Variants in ANKRD36 observed in about 807,000 individuals in gnomAD.
ANKRD36 encodes the protein ankyrin repeat domain 36, also known as ankyrin repeat domain-containing protein 36A.
ANKRD36 carries 179 observed loss-of-function variants against 278.1 expected under a neutral mutation model. The ratio of observed to expected loss-of-function variants is 0.64; its 90% CI spans 0.57 to 0.73. The LOEUF is 0.73. Among genes scored for constraint, ANKRD36 ranks in the 30% least tolerant of loss-of-function variants. ANKRD36 has a pLI of 0.00. For missense variants in ANKRD36, 1,159 were observed against 1,956.7 expected (o/e 0.59, Z 7.69); for synonymous variants, 320 against 641.1 (o/e 0.50, Z 7.57).
At chr2:97,154,203 T>A (rs1284662051) in intron 14 of ANKRD36, among the ~76,000 whole-genome samples, 1 of 147,094 alleles carries the variant, frequency 6.8e-6, no homozygotes, top group Non-Finnish European at 1.5e-5. Flanking sequence ...CATTTTCCAG[T>A]GACACAGATT....
intron 30 of ANKRD36, among the ~76,000 whole-genome samples, chr2:97,186,192 C>CAT (rs79758632): frequency 6.6e-6 from 1 of 151,688 alleles, no homozygotes; most frequent in African/African-American, 2.4e-5. Context: ...AGGCATAAGA[C>CAT]ATATATCTTT....
At chr2:97,140,194 C>A (rs1035979169) in intron 6 of ANKRD36, among the ~76,000 whole-genome samples, 2 of 151,658 alleles carry the variant, frequency 1.3e-5, no homozygotes, top group Non-Finnish European at 2.9e-5. Flanking sequence ...CAAAAAATTA[C>A]ACCATTCTTC....
At position 97,121,797 on chromosome 2, in the gene ANKRD36, T is replaced by G. The variant is rs554659768; in HGVS notation, c.487-1090T>G. 6.1e-4 allele frequency among the ~76,000 whole-genome samples: 93 copies of G among 152,104 alleles called. 1 individual carries two copies. The highest frequency in any genetic ancestry group is 1.9e-3 in the East Asian group (10 of 5,186). Reference sequence around the variant, plus strand: ...TACCTAAAATAAAAAAAGTAAGAATTAATTGGAAACTAGAATACAAATAGA... The same window carrying G: ...TACCTAAAATAAAAAAAGTAAGAATGAATTGGAAACTAGAATACAAATAGA... On this transcript the variant is annotated intron_variant, in intron 3 of 75. Coordinates refer to ENST00000420699, the MANE Select transcript of ANKRD36 (RefSeq NM_001354587.1).
At chr2:97,128,690 G>T (rs1368269601) in intron 6 of ANKRD36, among the ~76,000 whole-genome samples, 1 of 151,974 alleles carries the variant, frequency 6.6e-6, no homozygotes, top group East Asian at 1.9e-4. Flanking sequence ...TTACAGAATT[G>T]TCAAAACCTA....
At chr2:97,133,064 A>G (rs1420805930) in intron 6 of ANKRD36, among the ~76,000 whole-genome samples, 4 of 152,094 alleles carry the variant, frequency 2.6e-5, no homozygotes, top group Admixed American at 6.6e-5. Flanking sequence ...TACTTTTCTC[A>G]GGAAATGGTG....
At chr2:97,207,184 A>G (rs2063099402) in intron 52 of ANKRD36, among the ~76,000 whole-genome samples, 1 of 151,468 alleles carries the variant, frequency 6.6e-6, no homozygotes, top group African/African-American at 2.4e-5. Flanking sequence ...TCGGAAGGCT[A>G]AACTAGTGGA....
At chr2:97,132,015 G>A (rs914767748) in intron 6 of ANKRD36, among the ~76,000 whole-genome samples, 5 of 151,930 alleles carry the variant, frequency 3.3e-5, no homozygotes, top group Non-Finnish European at 7.4e-5. Flanking sequence ...TTTTAGTAGA[G>A]TCGGGGTTTC....
At position 97,211,678 on chromosome 2, in the gene ANKRD36, G is replaced by A. The variant is rs768640593; in HGVS notation, c.3406G>A (p.Asp1136Asn). The A allele has an allele frequency of 9.4e-6, 15 of 1,594,018 alleles. No homozygotes were observed. In the East Asian group the frequency reaches 1.2e-4, roughly 12 times the overall value. Reference sequence around the variant, plus strand: ...TTCAAATTCTATTCAGGCTATCTGTGACAAGGAAGATTCTGTTCCGAATAT... The same window carrying A: ...TTCAAATTCTATTCAGGCTATCTGTAACAAGGAAGATTCTGTTCCGAATAT... ...PKQPALKAIC[D>N]KEDSVPNMAT... The change falls in exon 58 of 76, where the codon GAC (aspartate) becomes AAC (asparagine). Residue 1136 changes from aspartate to asparagine, a missense_variant. Physicochemically the swap from Asp to Asn is conservative, Grantham distance 23 (BLOSUM62 1). Coordinates refer to ENST00000420699, the MANE Select transcript of ANKRD36 (RefSeq NM_001354587.1).
intron 22 of ANKRD36, 71 bp from the exon 23 acceptor site, chr2:97,179,667 C>A: frequency 1.3e-6 from 2 of 1,584,490 alleles, no homozygotes; most frequent in Non-Finnish European, 1.7e-6. Context: ...AACATGCTAT[C>A]CATGCATTTA....
intron 67 of ANKRD36, among the ~76,000 whole-genome samples, chr2:97,231,524 A>C (rs1432999131): frequency 1.3e-5 from 2 of 152,150 alleles, no homozygotes; most frequent in African/African-American, 4.8e-5. Flanking sequence ...CCAATTTTCC[A>C]GGTGCTGTCT....
chr2:97,192,275 G>A (rs2058687572), intron 36 of ANKRD36, among the ~76,000 whole-genome samples: 1 of 151,632 alleles, frequency 6.6e-6, no homozygotes, highest in Non-Finnish European at 1.5e-5. Flanking sequence ...ACACCACATG[G>A]GTGTGAGAGA....
chr2:97,255,991 CTTT>C, intron 75 of ANKRD36, among the ~76,000 whole-genome samples: 1 of 123,984 alleles, frequency 8.1e-6, no homozygotes, highest in Middle Eastern at 3.6e-3. Context: ...AGTATTAGTT[CTTT>C]AAAGGTTTGT....
intron 44 of ANKRD36, among the ~76,000 whole-genome samples, chr2:97,198,971 A>G (rs1296116314): frequency 6.6e-6 from 1 of 151,864 alleles, no homozygotes; most frequent in Non-Finnish European, 1.5e-5. Flanking sequence ...TAAGGGTGGA[A>G]GGAGAAAGAG....
At position 97,178,861 on chromosome 2, in the gene ANKRD36, G is replaced by T. The variant is rs527958701; in HGVS notation, c.1634-877G>T. On this transcript the variant is annotated intron_variant, in intron 22 of 75. Coordinates refer to ENST00000420699, the MANE Select transcript of ANKRD36 (RefSeq NM_001354587.1). ...AGCAACTTAATAAAAATTCTCTAGA[G>T]AATAACATGATACTTTAACCAGACT... Among the ~76,000 whole-genome samples the T allele has an allele frequency of 4.0e-5, 6 of 151,538 alleles. No homozygotes were observed. The South Asian group carries it at 1.3e-3, about 32-fold the overall frequency.
At position 97,240,999 on chromosome 2, in the gene ANKRD36, T is replaced by G. The variant is rs868373887; in HGVS notation, c.4094-267T>G. 3.1e-3 allele frequency among the ~76,000 whole-genome samples: 448 copies of G among 142,622 alleles called. 5 individuals are homozygous for G. Among genetic ancestry groups the G allele is most frequent in the African/African-American group, 0.012 (421 of 35,870 alleles). The allele number at this position is 142,622 out of a possible 152,430, so 93.6% of individuals were successfully genotyped here. On this transcript the variant is annotated intron_variant, in intron 68 of 75. Transcript: ENST00000420699. The stretch of plus-strand genomic sequence containing the variant: ...ATAACTATGTTTTTTTTTTTTTTTT[T>G]TTTTTTTTTTTTTTTTTTTACAGGA...
intron 17 of ANKRD36, among the ~76,000 whole-genome samples, chr2:97,161,774 T>C (rs996571414): frequency 6.6e-6 from 1 of 152,256 alleles, no homozygotes; most frequent in Non-Finnish European, 1.5e-5. Flanking sequence ...ACTCTTAGTC[T>C]TCACTTGTCT....
intron 46 of ANKRD36, among the ~76,000 whole-genome samples, chr2:97,201,736 G>A (rs1327099789): frequency 1.3e-5 from 2 of 151,892 alleles, no homozygotes; most frequent in Non-Finnish European, 2.9e-5. Context: ...AAGCATCATC[G>A]CAATTGTGTG....
chr2:97,219,028 A>G (rs1425842490), intron 64 of ANKRD36, 22 bp from the exon 65 acceptor site: 1 of 1,540,102 alleles, frequency 6.5e-7, no homozygotes, highest in Non-Finnish European at 8.8e-7. Flanking sequence ...ATGATTGATT[A>G]TATATTTCTC....
chr2:97,206,215 G>C, intron 52 of ANKRD36, 80 bp downstream of exon 52: 3 of 1,357,806 alleles, frequency 2.2e-6, no homozygotes, highest in Non-Finnish European at 3.0e-6. Context: ...TCAGCGGGGG[G>C]CTCATCGAAG....
Sources: allele counts gnomAD v4.1 joint callset (sites outside exome capture counted in the v4.1 genomes callset), GRCh38; gene constraint gnomAD v4.1.1; transcripts MANE v1.5; gene names NCBI Gene and HGNC (gene_info 2026-07-23, HGNC 2026-07-21).